Variants in FGF7 observed in about 807,000 individuals in gnomAD.
The protein encoded by FGF7 is fibroblast growth factor 7, also known as FGF-7.
A neutral mutation model predicts 20.5 loss-of-function variants in FGF7; 6 were observed. That is an observed-to-expected ratio of 0.29 (90% CI 0.16 to 0.58). The LOEUF (loss-of-function observed/expected upper bound fraction) is 0.58, where lower values mean the gene tolerates loss of function less well. Ranked by LOEUF, FGF7 falls within the 20% of genes least tolerant of loss-of-function variation. The pLI is 0.90. For synonymous variants in FGF7, 64 were observed against 74.7 expected (o/e 0.86, Z 0.74); for missense variants, 144 against 228.8 (o/e 0.63, Z 2.39).
chr15:49,485,756 AT>A lies in FGF7; in HGVS notation c.*1253del, dbSNP rs1467151972. The stretch of plus-strand genomic sequence containing the variant: ...TCATATAAGTAAAATCATTACAAAT[AT>A]AAGTATTTACAGGATTTTAAAGTTA... On this transcript the variant is annotated 3_prime_UTR_variant, in exon 4 of 4. Transcript: ENST00000267843. 1 of 152,488 alleles carries A rather than the reference AT, an allele frequency of 6.6e-6. No homozygotes were observed. Among genetic ancestry groups the A allele is most frequent in the Non-Finnish European group, 1.5e-5 (1 of 67,976 alleles). 9.4% of individuals were successfully genotyped at this position (152,488 alleles called of 1,614,324 possible).
intron 2 of FGF7, among the ~76,000 whole-genome samples, chr15:49,432,299 GC>G (rs2050686703): frequency 6.6e-6 from 1 of 151,514 alleles, no homozygotes; most frequent in African/African-American, 2.4e-5. Context: ...TAACACTAGT[GC>G]CCCCTGAGAT....
At chr15:49,477,187 T>G (rs2055421864) in intron 2 of FGF7, among the ~76,000 whole-genome samples, 1 of 152,254 alleles carries the variant, frequency 6.6e-6, no homozygotes, top group African/African-American at 2.4e-5. Context: ...GAGCCAATAT[T>G]TATTTATGCC....
chr15:49,478,549 G>GT (rs2055581684), intron 2 of FGF7, among the ~76,000 whole-genome samples: 1 of 151,996 alleles, frequency 6.6e-6, no homozygotes, highest in East Asian at 1.9e-4. Flanking sequence ...AAATTTAAAT[G>GT]TTTTTTTCTT....
intron 2 of FGF7, among the ~76,000 whole-genome samples, chr15:49,466,620 C>G (rs1427740347): frequency 1.3e-5 from 2 of 151,908 alleles, no homozygotes; most frequent in Non-Finnish European, 2.9e-5. Flanking sequence ...GTCAGAAGGG[C>G]TGGAGGCAAA....
At chr15:49,468,244 A>T (rs1453105608) in intron 2 of FGF7, among the ~76,000 whole-genome samples, 1 of 152,156 alleles carries the variant, frequency 6.6e-6, no homozygotes, top group Non-Finnish European at 1.5e-5. Flanking sequence ...TTTATTCCCT[A>T]ATAATGAGGA....
Position 49,424,151 on chromosome 15 carries a change from A to T in FGF7, c.-147A>T. ...GTTGTTATCAGGAACTAAAAGGATAAGGCTAACAATTTGGAAAGAGCAACT... is the reference window on the plus strand; with the variant it reads ...GTTGTTATCAGGAACTAAAAGGATATGGCTAACAATTTGGAAAGAGCAACT... On this transcript the variant is annotated 5_prime_UTR_variant, in exon 2 of 4. It adds an upstream start codon to the 5' untranslated region. Coordinates refer to ENST00000267843, the MANE Select transcript of FGF7 (RefSeq NM_002009.4). 1.5e-6 allele frequency: 1 copy of T among 650,398 alleles called. No homozygotes were observed. Among genetic ancestry groups the T allele is most frequent in the Non-Finnish European group, 2.6e-6 (1 of 380,448 alleles). The allele number at this position is 650,398 out of a possible 1,614,324, so 40.3% of individuals were successfully genotyped here.
At chr15:49,463,696 T>G (rs1171232977) in intron 2 of FGF7, among the ~76,000 whole-genome samples, 1 of 152,190 alleles carries the variant, frequency 6.6e-6, no homozygotes, top group East Asian at 1.9e-4. Context: ...GCCACAGTGT[T>G]TTATGCTTCT....
At chr15:49,476,212 G>GTTTT (rs1567351529) in intron 2 of FGF7, among the ~76,000 whole-genome samples, 2 of 81,256 alleles carry the variant, frequency 2.5e-5, no homozygotes, top group Admixed American at 1.3e-4. Context: ...TTATTTTGCT[G>GTTTT]TTTTGTTTTT....
At chr15:49,461,236 G>C (rs1438141992) in intron 2 of FGF7, among the ~76,000 whole-genome samples, 1 of 152,126 alleles carries the variant, frequency 6.6e-6, no homozygotes, top group Non-Finnish European at 1.5e-5. Flanking sequence ...TGGGCTAATT[G>C]CAGGTCTCAT....
chr15:49,474,238 T>C (rs2055043284), intron 2 of FGF7, among the ~76,000 whole-genome samples: 1 of 152,132 alleles, frequency 6.6e-6, no homozygotes, highest in East Asian at 1.9e-4. Context: ...TTTTAGTAAA[T>C]AATGTAGCTG....
intron 2 of FGF7, among the ~76,000 whole-genome samples, chr15:49,448,878 A>G (rs1013545280): frequency 1.3e-5 from 2 of 151,784 alleles, no homozygotes; most frequent in Non-Finnish European, 2.9e-5. Context: ...TTCCAATATT[A>G]TATTACCCTA....
chr15:49,471,980 T>C (rs2054818463), intron 2 of FGF7, among the ~76,000 whole-genome samples: 1 of 151,528 alleles, frequency 6.6e-6, no homozygotes, highest in Non-Finnish European at 1.5e-5. Flanking sequence ...AGGTGTTGTT[T>C]TCATTTTTTC....
intron 2 of FGF7, among the ~76,000 whole-genome samples, chr15:49,463,133 T>A (rs2151936278): frequency 6.6e-6 from 1 of 152,346 alleles, no homozygotes; most frequent in African/African-American, 2.4e-5. Flanking sequence ...TAGGCCTCCA[T>A]CAGCTCCTGC....
In FGF7 at chr15:49,424,432, C is replaced by A; in HGVS notation, c.135C>A (p.Asn45Lys). 2 of 1,613,660 alleles carry A rather than the reference C, an allele frequency of 1.2e-6. No individual in the cohort carries two copies. The highest frequency in any genetic ancestry group is 1.7e-6 in the Non-Finnish European group (2 of 1,179,716). Residue 45 changes from asparagine (N) to lysine (K), a missense_variant, in exon 2 of 4, where the codon AAC (asparagine) becomes AAA (lysine). Asn to Lys is a moderately conservative substitution (Grantham distance 94, BLOSUM62 0). Coordinates refer to ENST00000267843, the MANE Select transcript of FGF7 (RefSeq NM_002009.4). ...MTPEQMATNV[N>K]CSSPERHTRS... Reference sequence around the variant, plus strand: ...CAGAGCAAATGGCTACAAATGTGAACTGTTCCAGCCCTGAGCGACACACAA... The same window carrying A: ...CAGAGCAAATGGCTACAAATGTGAAATGTTCCAGCCCTGAGCGACACACAA...
chr15:49,430,025 T>C (rs2050456807), intron 2 of FGF7, among the ~76,000 whole-genome samples: 1 of 152,018 alleles, frequency 6.6e-6, no homozygotes, highest in African/African-American at 2.4e-5. Context: ...ACTTGAACCC[T>C]AGAGGATTTT....
chr15:49,424,313 C>G lies in FGF7; in HGVS notation c.16C>G (p.Leu6Val), dbSNP rs761458494. 3 of 1,613,312 alleles carry G rather than the reference C, an allele frequency of 1.9e-6. No individual in the cohort carries two copies. In the South Asian group the frequency reaches 3.3e-5, roughly 18 times the overall value. The change falls in exon 2 of 4, where the codon CTG (leucine) becomes GTG (valine). Residue 6 changes from leucine (L) to valine (V), a missense_variant. By Grantham distance (32) the Leu-to-Val change is conservative. This residue lies in a region of FGF7 where 88 missense variants were observed against 103.4 expected (regional missense o/e 0.85). Transcript: ENST00000267843. ...CTACACTATAATGCACAAATGGATACTGACATGGATCCTGCCAACTTTGCT... is the reference window on the plus strand; with the variant it reads ...CTACACTATAATGCACAAATGGATAGTGACATGGATCCTGCCAACTTTGCT... Reference protein sequence around the residue: MHKWILTWILPTLLYR... With the variant: MHKWIVTWILPTLLYR...
rs927717170 is a variant in FGF7, at chr15:49,450,288, C to A, written c.286+25705C>A. On this transcript the variant is annotated intron_variant, in intron 2 of 3. Transcript: ENST00000267843. ...TCATCATCTTTTAGCAGTTTCCTGT[C>A]AATACAAGATAACTCTTTCTTCCAA... Among the ~76,000 whole-genome samples, 5 of 152,058 alleles carry A rather than the reference C, an allele frequency of 3.3e-5. No homozygotes were observed. The East Asian group carries it at 9.6e-4, about 29-fold the overall frequency.
chr15:49,473,642 A>T (rs1322635555), intron 2 of FGF7, among the ~76,000 whole-genome samples: 1 of 152,168 alleles, frequency 6.6e-6, no homozygotes, highest in African/African-American at 2.4e-5. Flanking sequence ...TTTATGGAGC[A>T]CTATTTACAA....
chr15:49,477,060 G>GAAA (rs745520773), intron 2 of FGF7, among the ~76,000 whole-genome samples: 42,658 of 129,838 alleles, frequency 0.33, 7,131 homozygotes, highest in African/African-American at 0.44. Flanking sequence ...ACTCTGTCTC[G>GAAA]AAAAAAAAAA....
Sources: allele counts gnomAD v4.1 joint callset (sites outside exome capture counted in the v4.1 genomes callset), GRCh38; gene constraint gnomAD v4.1.1; regional missense constraint gnomAD v4.1.1; transcripts MANE v1.5; gene names NCBI Gene and HGNC (gene_info 2026-07-23, HGNC 2026-07-21).